ADAMTSL1: variants seen among roughly 807,000 people sequenced by gnomAD.
The protein encoded by ADAMTSL1 is ADAMTS-like protein 1.
Under a neutral mutation model 201.8 loss-of-function variants are expected in ADAMTSL1, and 126 were observed. The ratio of observed to expected loss-of-function variants is 0.62; its 90% CI spans 0.54 to 0.72. The LOEUF is 0.72. Ranked by LOEUF, ADAMTSL1 falls within the 30% of genes least tolerant of loss-of-function variation. The pLI, the probability that ADAMTSL1 is intolerant of heterozygous loss-of-function variation, is 0.00. For synonymous variants in ADAMTSL1, 1,121 were observed against 903.4 expected, an observed-to-expected ratio of 1.24 and a Z score of -4.32; for missense variants, 2,679 against 2,277.8, an observed-to-expected ratio of 1.18 and a Z score of -3.59.
chr9:18,582,920 T>C (rs931275220), intron 4 of ADAMTSL1, among the ~76,000 whole-genome samples: 1 of 140,200 alleles, frequency 7.1e-6, no homozygotes, highest in African/African-American at 2.7e-5. Context: ...AAAAGGGGAG[T>C]TTCCCTGCAC....
chr9:18,634,909 AAT>A (rs34726555), intron 5 of ADAMTSL1, among the ~76,000 whole-genome samples: 38,177 of 137,738 alleles, frequency 0.28, 6,795 homozygotes, highest in African/African-American at 0.49. Context: ...ATATATATTT[AAT>A]ATATATATAT....
rs1489255000 is a variant in ADAMTSL1, at chr9:18,829,845, C to A, written c.4117C>A (p.Pro1373Thr). 2.5e-6 allele frequency: 4 copies of A among 1,613,700 alleles called. No individual in the cohort carries two copies. Among genetic ancestry groups the A allele is most frequent in the Non-Finnish European group, 2.5e-6 (3 of 1,179,752 alleles). ...ATCCACCCTCTGCCTTCTCACAGATCCCCCCCAAGTCCCCACACAGTTGGA... is the reference window on the plus strand; with the variant it reads ...ATCCACCCTCTGCCTTCTCACAGATACCCCCCAAGTCCCCACACAGTTGGA... The part of the protein sequence containing the change: ...TESTQLLILD[P>T]PQVPTQLEDI... The change falls in exon 23 of 29, where the codon CCC (proline) becomes ACC (threonine). Residue 1373 changes from proline (P) to threonine (T), a missense_variant and splice_region_variant. Coordinates refer to ENST00000380548, the MANE Select transcript of ADAMTSL1 (RefSeq NM_001040272.6).
chr9:18,270,288 A>C (rs1832304700), intron 2 of ADAMTSL1, among the ~76,000 whole-genome samples: 1 of 152,086 alleles, frequency 6.6e-6, no homozygotes, highest in African/African-American at 2.4e-5. Flanking sequence ...ATGAGGACTC[A>C]GCCCTCATGA....
intron 4 of ADAMTSL1, among the ~76,000 whole-genome samples, chr9:18,605,782 T>C (rs1824971718): frequency 6.6e-6 from 1 of 152,226 alleles, no homozygotes; most frequent in South Asian, 2.1e-4. Flanking sequence ...ATTCACATGC[T>C]TTCTAAATGT....
intron 2 of ADAMTSL1, among the ~76,000 whole-genome samples, chr9:18,229,910 T>G (rs2132401911): frequency 6.6e-6 from 1 of 152,204 alleles, no homozygotes; most frequent in East Asian, 1.9e-4. Flanking sequence ...TTGGCCAGAC[T>G]TGTCTCAAAC....
chr9:17,916,572 T>C (rs1395393681), intron 1 of ADAMTSL1, among the ~76,000 whole-genome samples: 1 of 152,154 alleles, frequency 6.6e-6, no homozygotes, highest in Admixed American at 6.5e-5. Flanking sequence ...GCAAAGACCA[T>C]CCTTTCTCCA....
intron 1 of ADAMTSL1, among the ~76,000 whole-genome samples, chr9:18,140,530 T>C (rs551709027): frequency 6.6e-6 from 1 of 152,298 alleles, no homozygotes; most frequent in African/African-American, 2.4e-5. Context: ...TATCAGAGAC[T>C]CAACACTAGA....
intron 1 of ADAMTSL1, among the ~76,000 whole-genome samples, chr9:17,966,538 GT>G (rs1751040832): frequency 6.6e-6 from 1 of 152,020 alleles, no homozygotes; most frequent in Non-Finnish European, 1.5e-5. Flanking sequence ...TCTTTTTGTA[GT>G]TTTATCAACA....
At chr9:18,006,953 T>C (rs940964163) in intron 1 of ADAMTSL1, among the ~76,000 whole-genome samples, 3 of 152,030 alleles carry the variant, frequency 2.0e-5, no homozygotes, top group African/African-American at 7.2e-5. Context: ...GGGCATCATC[T>C]TATGCTCTTA....
chr9:18,710,680 T>G (rs1483377643), intron 14 of ADAMTSL1, among the ~76,000 whole-genome samples: 3 of 149,038 alleles, frequency 2.0e-5, no homozygotes, highest in South Asian at 2.1e-4. Flanking sequence ...TGTTTTTTTT[T>G]TTTTTTTTTT....
chr9:18,168,964 G>C (rs1478881705), intron 2 of ADAMTSL1, among the ~76,000 whole-genome samples: 1 of 151,100 alleles, frequency 6.6e-6, no homozygotes, highest in Non-Finnish European at 1.5e-5. Context: ...CCCACTTTTT[G>C]ATGGGGTTGT....
chr9:18,800,961 C>G (rs767850375), intron 20 of ADAMTSL1, among the ~76,000 whole-genome samples: 2 of 148,026 alleles, frequency 1.4e-5, no homozygotes, highest in Non-Finnish European at 3.0e-5. Flanking sequence ...TCTGAGCAAC[C>G]TGACCCACTG....
intron 20 of ADAMTSL1, among the ~76,000 whole-genome samples, chr9:18,799,390 C>G (rs1822632496): frequency 6.6e-6 from 1 of 152,166 alleles, no homozygotes; most frequent in South Asian, 2.1e-4. Flanking sequence ...CAGAAATCTT[C>G]CAAATCCGAA....
At chr9:18,893,656 G>T (rs563189872) in intron 26 of ADAMTSL1, among the ~76,000 whole-genome samples, 1 of 152,316 alleles carries the variant, frequency 6.6e-6, no homozygotes, top group South Asian at 2.1e-4. Context: ...AGGCATTACA[G>T]ATTGCAGACA....
chr9:17,970,060 A>G (rs1164573003), intron 1 of ADAMTSL1, among the ~76,000 whole-genome samples: 1 of 152,066 alleles, frequency 6.6e-6, no homozygotes, highest in East Asian at 1.9e-4. Flanking sequence ...TTCAAGTAGT[A>G]TATTCAGATG....
chr9:18,650,372 G>A lies in ADAMTSL1; in HGVS notation c.835-7267G>A, dbSNP rs150112223. Among the ~76,000 whole-genome samples the A allele has an allele frequency of 8.6e-3, 1,310 of 152,220 alleles. 18 individuals are homozygous for A. Among genetic ancestry groups the A allele is most frequent in the African/African-American group, 0.03 (1,252 of 41,546 alleles). The stretch of plus-strand genomic sequence containing the variant: ...GTGAGGCAATGCCTCGCCCTGCTTC[G>A]GCTCGTGCACAGCGCGCTGCACCCA... On this transcript the variant is annotated intron_variant, in intron 7 of 28. Transcript: ENST00000380548.
rs1818567057 is a variant in ADAMTSL1 at position 18,519,686 on chromosome 9, A to G, written c.192-13561A>G. On this transcript the variant is annotated intron_variant, in intron 2 of 28. Coordinates refer to ENST00000380548, the MANE Select transcript of ADAMTSL1 (RefSeq NM_001040272.6). The stretch of plus-strand genomic sequence containing the variant: ...AGTACTAGTATAGACTGGATACCCA[A>G]TGAATGTGTTAAGTGACTGCAAATT... Among the ~76,000 whole-genome samples, 9 of 152,346 alleles carry G rather than the reference A, an allele frequency of 5.9e-5. No homozygotes were observed. In the South Asian group the frequency reaches 1.9e-3, roughly 32 times the overall value.
At chr9:18,132,761 C>T (rs534187319) in intron 1 of ADAMTSL1, among the ~76,000 whole-genome samples, 5 of 152,252 alleles carry the variant, frequency 3.3e-5, no homozygotes, top group African/African-American at 1.2e-4. Flanking sequence ...TTCTCAGTCA[C>T]ATTTCACCCA....
chr9:18,180,936 C>T (rs199603104), intron 2 of ADAMTSL1, among the ~76,000 whole-genome samples: 16 of 152,188 alleles, frequency 1.1e-4, no homozygotes, highest in Admixed American at 8.5e-4. Context: ...ACCAAAACAG[C>T]GATATTGATC....
Sources: allele counts gnomAD v4.1 joint callset (sites outside exome capture counted in the v4.1 genomes callset), GRCh38; gene constraint gnomAD v4.1.1; transcripts MANE v1.5; gene names NCBI Gene and HGNC (gene_info 2026-07-23, HGNC 2026-07-21).